The following CDH10 variants were observed in gnomAD, a reference collection of about 807,000 sequenced individuals.
CDH10 encodes cadherin-10.
A neutral mutation model predicts 73.1 loss-of-function variants in CDH10; 30 were observed. The ratio of observed to expected loss-of-function variants is 0.41; its 90% confidence interval spans 0.31 to 0.56. The LOEUF (loss-of-function observed/expected upper bound fraction) is 0.56, where lower values mean the gene tolerates loss of function less well. CDH10 is among the 20% of genes least tolerant of loss of function. The pLI is 0.27. For synonymous variants in CDH10, 345 were observed against 348.2 expected, an observed-to-expected ratio of 0.99 and a Z score of 0.10; for missense variants, 815 against 973.7, an observed-to-expected ratio of 0.84 and a Z score of 2.17.
At chr5:24,605,766 G>C (rs1410983166) in intron 1 of CDH10, among the ~76,000 whole-genome samples, 1 of 152,162 alleles carries the variant, frequency 6.6e-6, no homozygotes, top group Non-Finnish European at 1.5e-5. Flanking sequence ...TTTTACAAAT[G>C]ATTATATCTT....
chr5:24,569,275 T>C (rs1745279195), intron 2 of CDH10, among the ~76,000 whole-genome samples: 1 of 152,162 alleles, frequency 6.6e-6, no homozygotes, highest in African/African-American at 2.4e-5. Flanking sequence ...TATCGTTTAA[T>C]TTGTATCATT....
intron 2 of CDH10, among the ~76,000 whole-genome samples, chr5:24,539,696 T>G (rs1247640164): frequency 6.6e-6 from 1 of 152,070 alleles, no homozygotes; most frequent in Non-Finnish European, 1.5e-5. Flanking sequence ...AATGTAAGGT[T>G]GAGAAACTCA....
In CDH10 at chr5:24,537,621, T is replaced by G; in HGVS notation, c.285A>C (p.Gly95=). The G allele has an allele frequency of 1.2e-6, 2 of 1,605,124 alleles. No individual in the cohort carries two copies. Among genetic ancestry groups the G allele is most frequent in the Non-Finnish European group, 1.7e-6 (2 of 1,172,392 alleles). The part of the protein sequence containing the change: ...GDGSLKYILS[G]DGAGTLFIID... ...TAATAAAAAGAGTACCAGCTCCATC[T>G]CCAGATAAGATATATTTGAGTGATC... The change falls in exon 3 of 12, where the codon GGA becomes GGC. Residue 95 remains glycine (G), a synonymous_variant. Coordinates refer to ENST00000264463, the MANE Select transcript of CDH10 (RefSeq NM_006727.5).
intron 2 of CDH10, among the ~76,000 whole-genome samples, chr5:24,573,914 T>C (rs1643900896): frequency 6.6e-6 from 1 of 150,512 alleles, no homozygotes; most frequent in Non-Finnish European, 1.5e-5. Flanking sequence ...AGACGGATTC[T>C]CTCTCTGTCG....
intron 5 of CDH10, among the ~76,000 whole-genome samples, chr5:24,532,427 T>C (rs910190956): frequency 1.3e-5 from 2 of 151,884 alleles, no homozygotes; most frequent in Non-Finnish European, 2.9e-5. Context: ...CAATGAAAAA[T>C]AGATGGTCAG....
chr5:24,593,505 C>A lies in CDH10; in HGVS notation c.-15G>T, dbSNP rs778073383. On this transcript the variant is annotated 5_prime_UTR_variant, in exon 2 of 12. Coordinates refer to ENST00000264463, the MANE Select transcript of CDH10 (RefSeq NM_006727.5). ...TGTATTGTCATAGTTCACTTCTTGA[C>A]AAATCCCAGTGTAGATGAAGAGAAG... The A allele has an allele frequency of 1.4e-6, 2 of 1,425,710 alleles. No homozygotes were observed. The highest frequency in any genetic ancestry group is 2.8e-5 in the African/African-American group (2 of 70,950). 88.3% of individuals were successfully genotyped at this position (1,425,710 alleles called of 1,614,324 possible).
chr5:24,523,487 A>G (rs1056697082), intron 5 of CDH10, among the ~76,000 whole-genome samples: 2 of 152,158 alleles, frequency 1.3e-5, no homozygotes, highest in African/African-American at 4.8e-5. Context: ...CTCTCCCGAA[A>G]GAGACAAAAC....
chr5:24,527,614 G>A (rs1290677793), intron 5 of CDH10, among the ~76,000 whole-genome samples: 2 of 151,806 alleles, frequency 1.3e-5, no homozygotes, highest in African/African-American at 4.8e-5. Context: ...ACAGCATGTT[G>A]CTGTATTGAA....
At chr5:24,523,036 C>G (rs1035556603) in intron 5 of CDH10, among the ~76,000 whole-genome samples, 1 of 151,550 alleles carries the variant, frequency 6.6e-6, no homozygotes, top group Non-Finnish European at 1.5e-5. Context: ...CAAAGGAAAC[C>G]TTTCATAGCA....
In CDH10 at chr5:24,521,857, C is replaced by T. The variant is rs139680005; in HGVS notation, c.815-10343G>A. Among the ~76,000 whole-genome samples, 920 of 152,056 alleles carry T rather than the reference C, an allele frequency of 6.1e-3. 7 individuals carry two copies. Among genetic ancestry groups the T allele is most frequent in the Middle Eastern group, 0.02 (6 of 294 alleles). ...TGTATTTAAAAACTGCTAAGTAGGC[C>T]GTGCCAGGTGGCTCACACCTATAAT... On this transcript the variant is annotated intron_variant, in intron 5 of 11. Coordinates refer to ENST00000264463, the MANE Select transcript of CDH10 (RefSeq NM_006727.5).
intron 8 of CDH10, among the ~76,000 whole-genome samples, chr5:24,501,291 C>T (rs916534132): frequency 4.6e-5 from 7 of 152,112 alleles, no homozygotes; most frequent in African/African-American, 1.7e-4. Context: ...TCTCCAGGGT[C>T]TTTACAAATA....
At chr5:24,499,170 G>C (rs549181329) in intron 8 of CDH10, among the ~76,000 whole-genome samples, 9 of 151,948 alleles carry the variant, frequency 5.9e-5, no homozygotes, top group Admixed American at 3.3e-4. Context: ...TTATTATATG[G>C]CTACTTATCT....
intron 8 of CDH10, among the ~76,000 whole-genome samples, chr5:24,499,011 G>A (rs933409608): frequency 5.9e-5 from 9 of 152,044 alleles, no homozygotes; most frequent in Non-Finnish European, 1.3e-4. Flanking sequence ...ACCTGAGCGG[G>A]TTGCCCGAAG....
chr5:24,554,514 GTGTGTGC>G, intron 2 of CDH10, among the ~76,000 whole-genome samples: 1 of 127,072 alleles, frequency 7.9e-6, no homozygotes, highest in African/African-American at 3.6e-5. Flanking sequence ...GTGTGTGTGT[GTGTGTGC>G]ACGTGCATGA....
chr5:24,616,374 A>T (rs186412424), intron 1 of CDH10, among the ~76,000 whole-genome samples: 508 of 152,296 alleles, frequency 3.3e-3, no homozygotes, highest in African/African-American at 0.012. Context: ...AAGAATTTTT[A>T]CATTGTAGGA....
intron 1 of CDH10, among the ~76,000 whole-genome samples, chr5:24,602,594 G>A (rs182138255): frequency 3.4e-4 from 52 of 152,128 alleles, no homozygotes; most frequent in Admixed American, 1.7e-3. Context: ...CTGCAACTTG[G>A]GAAAATGTAT....
chr5:24,614,220 T>G (rs530754672), intron 1 of CDH10, among the ~76,000 whole-genome samples: 2 of 152,322 alleles, frequency 1.3e-5, no homozygotes, highest in East Asian at 1.9e-4. Flanking sequence ...GTTCTACGGA[T>G]AGGCTATATC....
intron 2 of CDH10, among the ~76,000 whole-genome samples, chr5:24,568,661 T>C (rs76541430): frequency 0.014 from 2,204 of 152,140 alleles, 64 homozygotes; most frequent in African/African-American, 0.051. Flanking sequence ...ACACAAGAGA[T>C]TGAAAGCAGG....
chr5:24,604,200 A>C (rs1318078530), intron 1 of CDH10, among the ~76,000 whole-genome samples: 1 of 152,060 alleles, frequency 6.6e-6, no homozygotes, highest in Non-Finnish European at 1.5e-5. Context: ...AAATTTAAAA[A>C]TTAGCCACAT....
Sources: allele counts gnomAD v4.1 joint callset (sites outside exome capture counted in the v4.1 genomes callset), GRCh38; gene constraint gnomAD v4.1.1; transcripts MANE v1.5; gene names NCBI Gene and HGNC (gene_info 2026-07-23, HGNC 2026-07-21).